Variants in FAAH2 observed in about 807,000 individuals in gnomAD.
The protein encoded by FAAH2 is fatty-acid amide hydrolase 2.
In FAAH2, 60 loss-of-function variants were observed where a neutral mutation model predicts 36.9. The ratio of observed to expected loss-of-function variants is 1.63; its 90% CI spans 1.32 to 2.02. FAAH2 has a LOEUF of 2.02. FAAH2 is among the 30% of genes most tolerant of loss of function. FAAH2 has a pLI of 0.00. For missense variants in FAAH2, 689 were observed against 397.5 expected, an observed-to-expected ratio of 1.73 and a Z score of -6.23; for synonymous variants, 214 against 143.8, an observed-to-expected ratio of 1.49 and a Z score of -3.49.
At chrX:57,211,591 T>C in the FAAH2 span, among the ~76,000 whole-genome samples, 1 of 111,995 alleles carries the variant, frequency 8.9e-6, no homozygotes, top group Non-Finnish European at 1.9e-5. Flanking sequence ...AATTTTCATC[T>C]GCAAACACCA....
intron 2 of FAAH2, among the ~76,000 whole-genome samples, chrX:57,293,379 A>C (rs182880024): frequency 2.0e-4 from 23 of 112,484 alleles, no homozygotes; most frequent in Admixed American, 6.6e-4. Flanking sequence ...AAAATATTTT[A>C]ATGAAATATA....
At chrX:57,266,417 C>T in the FAAH2 span, among the ~76,000 whole-genome samples, 3 of 112,307 alleles carry the variant, frequency 2.7e-5, no homozygotes, top group Non-Finnish European at 5.6e-5. Flanking sequence ...CATATCTCCT[C>T]ACCAGGCAGG....
At chrX:57,433,763 G>A (rs1220394801) in intron 8 of FAAH2, among the ~76,000 whole-genome samples, 6 of 111,690 alleles carry the variant, frequency 5.4e-5, no homozygotes, top group Non-Finnish European at 1.1e-4. Flanking sequence ...GCAGTTTCTT[G>A]TGCATTTGCA....
chrX:57,160,319 T>A, the FAAH2 span, among the ~76,000 whole-genome samples: 1 of 111,523 alleles, frequency 9.0e-6, no homozygotes, highest in Non-Finnish European at 1.9e-5. Flanking sequence ...GTTGTATCTC[T>A]GCCAGGCTTT....
the FAAH2 span, among the ~76,000 whole-genome samples, chrX:57,236,686 T>G: frequency 1.8e-5 from 2 of 111,487 alleles, no homozygotes; most frequent in Admixed American, 1.9e-4. Context: ...GTCCATTTAT[T>G]AATCAGATTA....
the FAAH2 span, among the ~76,000 whole-genome samples, chrX:57,168,721 T>C: frequency 8.9e-6 from 1 of 111,892 alleles, no homozygotes; most frequent in Non-Finnish European, 1.9e-5. Flanking sequence ...CCATTTGCCT[T>C]TAGTCTTGCA....
the FAAH2 span, among the ~76,000 whole-genome samples, chrX:57,247,945 A>C: frequency 8.9e-6 from 1 of 112,228 alleles, no homozygotes; most frequent in Non-Finnish European, 1.9e-5. Context: ...CAGAATTTCT[A>C]TTTTACTTCT....
chrX:57,464,203 C>A (rs1486223795), intron 10 of FAAH2, among the ~76,000 whole-genome samples: 1 of 110,808 alleles, frequency 9.0e-6, no homozygotes, highest in Non-Finnish European at 1.9e-5. Flanking sequence ...GGGAGTTGAA[C>A]AATAAGAAGA....
At chrX:57,244,362 C>T in the FAAH2 span, among the ~76,000 whole-genome samples, 1 of 111,066 alleles carries the variant, frequency 9.0e-6, no homozygotes, top group South Asian at 3.8e-4. Flanking sequence ...CCTAGAAAGA[C>T]AGGCCAACAT....
the FAAH2 span, among the ~76,000 whole-genome samples, chrX:57,155,914 G>A: frequency 2.7e-3 from 305 of 111,825 alleles, no homozygotes; most frequent in African/African-American, 9.2e-3. Context: ...TCAAGGCAAG[G>A]TGAAATCCTT....
At chrX:57,184,873 A>T in the FAAH2 span, among the ~76,000 whole-genome samples, 1 of 112,088 alleles carries the variant, frequency 8.9e-6, no homozygotes, top group Admixed American at 9.4e-5. Context: ...ATCTTTGTTT[A>T]TTAGCAAAGT....
the FAAH2 span, among the ~76,000 whole-genome samples, chrX:57,272,358 C>T: frequency 1.8e-5 from 2 of 111,036 alleles, no homozygotes; most frequent in African/African-American, 6.5e-5. Flanking sequence ...GAGAACTTCC[C>T]CAACCTAGAA....
intron 10 of FAAH2, among the ~76,000 whole-genome samples, chrX:57,459,922 A>T (rs1027251779): frequency 2.7e-5 from 3 of 111,618 alleles, no homozygotes; most frequent in Non-Finnish European, 5.6e-5. Context: ...ACTTCCAAAA[A>T]CAAGAATGCC....
chrX:57,346,268 T>C (rs970507069), intron 5 of FAAH2, among the ~76,000 whole-genome samples: 5 of 111,600 alleles, frequency 4.5e-5, no homozygotes, highest in African/African-American at 1.6e-4. Context: ...TTTTCTTAGG[T>C]CAAAAAGAAC....
At chrX:57,209,538 G>A in the FAAH2 span, among the ~76,000 whole-genome samples, 1 of 111,154 alleles carries the variant, frequency 9.0e-6, no homozygotes, top group Admixed American at 9.6e-5. Context: ...TTTTGCCATG[G>A]CTGACCTGGT....
the FAAH2 span, among the ~76,000 whole-genome samples, chrX:57,179,388 C>G: frequency 9.0e-6 from 1 of 111,624 alleles, no homozygotes; most frequent in African/African-American, 3.3e-5. Context: ...ATCTCACATG[C>G]AATGACACCC....
intron 5 of FAAH2, among the ~76,000 whole-genome samples, chrX:57,370,160 G>A (rs1365758724): frequency 2.7e-5 from 3 of 111,156 alleles, no homozygotes; most frequent in Non-Finnish European, 5.7e-5. Flanking sequence ...AGGAACAAAG[G>A]ATACAAAATA....
chrX:57,220,645 G>C, the FAAH2 span, among the ~76,000 whole-genome samples: 1 of 111,875 alleles, frequency 8.9e-6, no homozygotes, highest in Admixed American at 9.4e-5. Context: ...CACCATCAGG[G>C]GCCCTGCAGG....
chrX:57,286,065 G>A (rs1049011519), upstream of FAAH2, among the ~76,000 whole-genome samples: 1 of 111,047 alleles, frequency 9.0e-6, no homozygotes, highest in South Asian at 3.8e-4. Flanking sequence ...GACCTGTAGG[G>A]GCAGCAGTCT....
Sources: allele counts gnomAD v4.1 joint callset (sites outside exome capture counted in the v4.1 genomes callset), GRCh38; gene constraint gnomAD v4.1.1; transcripts MANE v1.5; gene names NCBI Gene and HGNC (gene_info 2026-07-23, HGNC 2026-07-21).